SLC7A9: variants seen among roughly 807,000 people sequenced by gnomAD.
SLC7A9 encodes the protein solute carrier family 7 member 9.
A neutral mutation model predicts 54.1 loss-of-function variants in SLC7A9; 38 were observed. The ratio of observed to expected loss-of-function variants is 0.70; its 90% CI spans 0.54 to 0.92. The LOEUF (loss-of-function observed/expected upper bound fraction) is 0.92. Among genes scored for constraint, SLC7A9 ranks in the 40% least tolerant of loss-of-function variants. The probability of loss-of-function intolerance (pLI) is 0.00; values close to 1 mark genes in which losing one functional copy is unlikely to be tolerated. For missense variants in SLC7A9, 537 were observed against 636.1 expected (o/e 0.84, Z 1.68); for synonymous variants, 264 against 258.9 (o/e 1.02, Z -0.19).
At position 32,862,554 on chromosome 19, in the gene SLC7A9, G is replaced by A. The variant is rs758242098; in HGVS notation, c.511C>T (p.Arg171Trp). 9.2e-5 allele frequency: 148 copies of A among 1,613,800 alleles called. No homozygotes were observed. Among genetic ancestry groups the A allele is most frequent in the Non-Finnish European group, 1.2e-4 (139 of 1,180,008 alleles). Residue 171 changes from arginine (R) to tryptophan (W), a missense_variant, in exon 5 of 13, where the codon CGG becomes TGG. Transcript: ENST00000023064. ...FISTVNSLSV[R>W]LGSYVQNIFT... ...ATGTTCTGGACGTAGCTTCCCAGCC[G>A]CACGCTCAGTGAGTTCACTGTCGAG...
At chr19:32,856,531 G>A (rs762599938) in intron 9 of SLC7A9, among the ~76,000 whole-genome samples, 4 of 152,130 alleles carry the variant, frequency 2.6e-5, no homozygotes, top group Non-Finnish European at 5.9e-5. Context: ...AGAAGTATGT[G>A]AGGTGATACA....
At chr19:32,864,364 C>A in intron 3 of SLC7A9, 26 bp from the exon 4 acceptor site, 1 of 1,613,220 alleles carries the variant, frequency 6.2e-7, no homozygotes, top group Non-Finnish European at 8.5e-7. Flanking sequence ...GAAGGGCCCA[C>A]AGGCCCCTTG....
intron 9 of SLC7A9, among the ~76,000 whole-genome samples, chr19:32,848,226 A>G (rs1968360214): frequency 6.6e-6 from 1 of 152,272 alleles, no homozygotes. Context: ...GCTGCAATTA[A>G]AAGACACAGA....
intron 9 of SLC7A9, among the ~76,000 whole-genome samples, chr19:32,857,815 G>A (rs192784581): frequency 1.3e-5 from 2 of 152,286 alleles, no homozygotes; most frequent in Non-Finnish European, 2.9e-5. Context: ...TGGGTCTAAA[G>A]GATTGGCAAA....
rs146815072 is a variant in SLC7A9, at chr19:32,830,639, G to T, written c.1445C>A (p.Pro482Gln). 5 of 1,613,674 alleles carry T rather than the reference G, an allele frequency of 3.1e-6. No homozygotes were observed. The highest frequency in any genetic ancestry group is 2.7e-5 in the African/African-American group (2 of 74,898). Residue 482 changes from proline to glutamine, a missense_variant, in exon 13 of 13, where the codon CCG (proline) becomes CAG (glutamine). Coordinates refer to ENST00000023064, the MANE Select transcript of SLC7A9 (RefSeq NM_014270.5). ...AGCTTGTTACTCAGGGTCTTCCTCC[G>T]GTGGGACCACTTCCATTAGCATCTG... Reference protein sequence around the residue: ...HLQMLMEVVPPEEDPE With the variant: ...HLQMLMEVVPQEEDPE
rs1466428118 is a variant in SLC7A9 at position 32,860,660 on chromosome 19, G to A, written c.705-10C>T. The A allele has an allele frequency of 6.2e-7, 1 of 1,614,020 alleles. No homozygotes were observed. The highest frequency in any genetic ancestry group is 1.1e-5 in the South Asian group (1 of 91,066). On this transcript the variant is annotated splice_polypyrimidine_tract_variant and intron_variant, in intron 6 of 12. Transcript: ENST00000023064. ...GTAATTGAGTTGATTCCTGGAAAAA[G>A]GAAAGTAACAAGCGTCACACACCTT... is the stretch of plus-strand genomic sequence containing the variant.
At chr19:32,847,921 G>A (rs9749253) in intron 9 of SLC7A9, among the ~76,000 whole-genome samples, 89,328 of 151,818 alleles carry the variant, frequency 0.59, 27,163 homozygotes, top group East Asian at 0.83. Context: ...CCAGAATTTC[G>A]TACCCACCCA....
intron 9 of SLC7A9, among the ~76,000 whole-genome samples, chr19:32,845,380 A>AGCTGAG (rs984931191): frequency 1.3e-5 from 2 of 152,012 alleles, no homozygotes; most frequent in Non-Finnish European, 2.9e-5. Context: ...CTGTAACCTC[A>AGCTGAG]GCTGAGGCTG....
intron 3 of SLC7A9, 87 bp downstream of exon 3, chr19:32,864,542 G>A (rs931236482): frequency 2.6e-5 from 41 of 1,570,194 alleles, no homozygotes; most frequent in Non-Finnish European, 3.4e-5. Context: ...GAGGGATACT[G>A]GCAGGGTGAG....
At chr19:32,853,533 C>T (rs1968529024) in intron 9 of SLC7A9, among the ~76,000 whole-genome samples, 1 of 151,926 alleles carries the variant, frequency 6.6e-6, no homozygotes, top group Non-Finnish European at 1.5e-5. Context: ...GTACCATTTA[C>T]AATAGTATGA....
At position 32,865,388 on chromosome 19, in the gene SLC7A9, C is replaced by T. The variant is rs146270120; in HGVS notation, c.88-612G>A. Among the ~76,000 whole-genome samples, 472 of 152,330 alleles carry T rather than the reference C, an allele frequency of 3.1e-3. 3 individuals carry two copies. The highest frequency in any genetic ancestry group is 0.011 in the African/African-American group (439 of 41,590). Reference sequence around the variant, plus strand: ...GTGAGATCATGGCTCACTGCAGCCTCGAACTCCTGGGCTCAAACAATCCTC... The same window carrying T: ...GTGAGATCATGGCTCACTGCAGCCTTGAACTCCTGGGCTCAAACAATCCTC... On this transcript the variant is annotated intron_variant, in intron 2 of 12. Coordinates refer to ENST00000023064, the MANE Select transcript of SLC7A9 (RefSeq NM_014270.5).
intron 11 of SLC7A9, among the ~76,000 whole-genome samples, chr19:32,835,516 G>A (rs944184693): frequency 3.3e-5 from 5 of 150,980 alleles, no homozygotes; most frequent in South Asian, 2.1e-4. Flanking sequence ...CTAGGAAAAT[G>A]TAATTTACTA....
At chr19:32,860,380 A>G in intron 7 of SLC7A9, 1 of 1,352,814 alleles carries the variant, frequency 7.4e-7, no homozygotes, top group Non-Finnish European at 9.7e-7. Context: ...AACATGGCAA[A>G]ATCTCATCTC....
chr19:32,860,674 G>A (rs775339719), intron 6 of SLC7A9, 24 bp from the exon 7 acceptor site: 27 of 1,613,744 alleles, frequency 1.7e-5, no homozygotes, highest in South Asian at 1.3e-4. Flanking sequence ...AGTAACAAGC[G>A]TCACACACCT....
chr19:32,843,874 G>A lies in SLC7A9; in HGVS notation c.1055C>T (p.Ala352Val), dbSNP rs928999838. The change falls in exon 10 of 13, where the codon GCC (alanine) becomes GTC (valine). Residue 352 changes from alanine to valine, a missense_variant. Transcript: ENST00000023064. ...ACTCACATAAAAGATGATGGCGGGG[G>A]CTGGAGTGAGGCGCCTGACGCTGAT... ...SYISVRRLTP[A>V]PAIIFYGIIA... The A allele has an allele frequency of 1.4e-5, 23 of 1,613,338 alleles. No homozygotes were observed. The highest frequency in any genetic ancestry group is 1.9e-5 in the Non-Finnish European group (23 of 1,179,492).
chr19:32,846,923 A>C (rs934841818), intron 9 of SLC7A9, among the ~76,000 whole-genome samples: 6 of 152,334 alleles, frequency 3.9e-5, no homozygotes, highest in African/African-American at 1.4e-4. Context: ...CCCAGGCAAA[A>C]AGGGTCTGGA....
chr19:32,865,932 C>T (rs1392035199), intron 2 of SLC7A9, among the ~76,000 whole-genome samples: 2 of 144,240 alleles, frequency 1.4e-5, no homozygotes, highest in African/African-American at 2.6e-5. Flanking sequence ...ACAATCACTC[C>T]AGCCTGGGTG....
chr19:32,834,655 T>C (rs1967904476), intron 11 of SLC7A9, among the ~76,000 whole-genome samples: 1 of 152,084 alleles, frequency 6.6e-6, no homozygotes, highest in African/African-American at 2.4e-5. Flanking sequence ...ACCTGGGTGA[T>C]TGGAGTACTC....
chr19:32,848,005 C>T (rs1451369266), intron 9 of SLC7A9, among the ~76,000 whole-genome samples: 2 of 151,580 alleles, frequency 1.3e-5, no homozygotes, highest in African/African-American at 4.8e-5. Flanking sequence ...TTGTCACCAC[C>T]AGGCCTGCCC....
Sources: allele counts gnomAD v4.1 joint callset (sites outside exome capture counted in the v4.1 genomes callset), GRCh38; gene constraint gnomAD v4.1.1; transcripts MANE v1.5; gene names NCBI Gene and HGNC (gene_info 2026-07-23, HGNC 2026-07-21).